The following EFR3A variants were observed in gnomAD, a reference collection of about 807,000 sequenced individuals.
The protein encoded by EFR3A is protein EFR3 homolog A.
Under a neutral mutation model 104.4 loss-of-function variants are expected in EFR3A, and 76 were observed. The observed-to-expected ratio is 0.73, with a 90% confidence interval of 0.60 to 0.88. The LOEUF (loss-of-function observed/expected upper bound fraction) is 0.88, where lower values mean the gene tolerates loss of function less well. Ranked by LOEUF, EFR3A falls within the 40% of genes least tolerant of loss-of-function variation. The pLI, the probability that EFR3A is intolerant of heterozygous loss-of-function variation, is 0.00. For synonymous variants in EFR3A, 330 were observed against 330.0 expected (o/e 1.00, Z 0.00); for missense variants, 985 against 1,012.5 (o/e 0.97, Z 0.37).
At chr8:131,928,367 A>G (rs1015086069) in intron 1 of EFR3A, among the ~76,000 whole-genome samples, 2 of 152,128 alleles carry the variant, frequency 1.3e-5, no homozygotes, top group Non-Finnish European at 2.9e-5. Context: ...TTTTTTCTTC[A>G]GACATTTATC....
chr8:131,963,917 A>G (rs1005222883), intron 8 of EFR3A, among the ~76,000 whole-genome samples: 2 of 152,230 alleles, frequency 1.3e-5, no homozygotes, highest in African/African-American at 4.8e-5. Context: ...CTGGTTCAAC[A>G]TACGCAAATC....
intron 8 of EFR3A, among the ~76,000 whole-genome samples, chr8:131,963,017 C>T (rs1193082375): frequency 6.7e-6 from 1 of 150,080 alleles, no homozygotes; most frequent in Non-Finnish European, 1.5e-5. Context: ...TTCTTTGAAA[C>T]CAATGAGAAC....
chr8:131,940,448 G>GT, intron 1 of EFR3A, 51 bp from the exon 2 acceptor site: 2 of 1,505,784 alleles, frequency 1.3e-6, no homozygotes, highest in Non-Finnish European at 1.8e-6. Flanking sequence ...TTCCAGGCCT[G>GT]TTTACAATAT....
intron 1 of EFR3A, among the ~76,000 whole-genome samples, chr8:131,935,238 C>T (rs776433246): frequency 4.6e-5 from 7 of 152,144 alleles, no homozygotes; most frequent in Non-Finnish European, 7.4e-5. Flanking sequence ...ATTTTTATAG[C>T]GTATAGGAGC....
At position 131,968,426 on chromosome 8, in the gene EFR3A, C is replaced by T; in HGVS notation, c.987C>T (p.Ser329=). ...CTGTTGCCATTGCTGCTAAAGGTTC[C>T]ATAGGTGAGTGCCAATAAATAAAAT... The part of the protein sequence containing the change: ...LEAVAIAAKG[S]IGPTVLEVFN... The change falls in exon 9 of 23, where the codon TCC becomes TCT. Residue 329 remains serine (S), a synonymous_variant. Coordinates refer to ENST00000254624, the MANE Select transcript of EFR3A (RefSeq NM_015137.6). The T allele has an allele frequency of 6.2e-7, 1 of 1,613,376 alleles. No individual in the cohort carries two copies. The highest frequency in any genetic ancestry group is 1.7e-4 in the Middle Eastern group (1 of 6,060).
At position 131,970,527 on chromosome 8, in the gene EFR3A, G is replaced by A. The variant is rs1369531511; in HGVS notation, c.1043G>A (p.Ser348Asn). 10 of 1,613,916 alleles carry A rather than the reference G, an allele frequency of 6.2e-6. No individual in the cohort carries two copies. In the South Asian group the frequency reaches 1.1e-4, roughly 18 times the overall value. The change falls in exon 10 of 23, where the codon AGC (serine) becomes AAC (asparagine). Residue 348 changes from serine (S) to asparagine (N), a missense_variant. By Grantham distance (46) the Ser-to-Asn change is conservative (BLOSUM62 1). Transcript: ENST00000254624. ...ACCCTTTTGAAACATCTGCGTCTCA[G>A]CGTTGAATTCGAAGCAAATGATTTA... ...FNTLLKHLRL[S>N]VEFEANDLQG...
chr8:131,976,013 T>G lies in EFR3A; in HGVS notation c.1160-14T>G, dbSNP rs764373505. ...CTTTTTCAGTTTCTAAAATTTGTCT[T>G]AATACTTTCATAGGATTTTTTGGAA... On this transcript the variant is annotated splice_polypyrimidine_tract_variant and intron_variant, in intron 10 of 22. Coordinates refer to ENST00000254624, the MANE Select transcript of EFR3A (RefSeq NM_015137.6). 54 of 1,509,138 alleles carry G rather than the reference T, an allele frequency of 3.6e-5. 2 individuals carry two copies. The highest frequency in any genetic ancestry group is 1.8e-4 in the Middle Eastern group (1 of 5,464). 93.5% of individuals were successfully genotyped at this position (1,509,138 alleles called of 1,614,324 possible).
chr8:131,943,371 A>G (rs1563648485), intron 2 of EFR3A, among the ~76,000 whole-genome samples: 1 of 152,026 alleles, frequency 6.6e-6, no homozygotes, highest in East Asian at 1.9e-4. Flanking sequence ...TAAAATTAGT[A>G]AGGGATTAAA....
intron 8 of EFR3A, among the ~76,000 whole-genome samples, chr8:131,964,432 A>G (rs558131766): frequency 1.3e-5 from 2 of 151,996 alleles, no homozygotes; most frequent in South Asian, 2.1e-4. Flanking sequence ...CCAATAACAG[A>G]CAAACAGAGA....
At position 131,959,337 on chromosome 8, in the gene EFR3A, A is replaced by G. The variant is rs564587088; in HGVS notation, c.777-248A>G. 2.0e-5 allele frequency among the ~76,000 whole-genome samples: 3 copies of G among 152,312 alleles called. No individual in the cohort carries two copies. In the East Asian group the frequency reaches 5.8e-4, roughly 29 times the overall value. On this transcript the variant is annotated intron_variant, in intron 7 of 22. Coordinates refer to ENST00000254624, the MANE Select transcript of EFR3A (RefSeq NM_015137.6). ...GTAAATTAATAAATCACAACATTAA[A>G]AAAATGGAATCAATAAATATTTGTT...
chr8:131,974,736 G>T (rs1016654153), intron 10 of EFR3A, among the ~76,000 whole-genome samples: 1 of 152,168 alleles, frequency 6.6e-6, no homozygotes, highest in Non-Finnish European at 1.5e-5. Context: ...TTATGGAGAT[G>T]GAGTCATGTT....
At chr8:131,955,972 T>C (rs1182591713) in intron 7 of EFR3A, 67 bp downstream of exon 7, 24 of 1,565,396 alleles carry the variant, frequency 1.5e-5, no homozygotes, top group Non-Finnish European at 1.8e-5. Context: ...AACTTATTTA[T>C]AGAGGACAAC....
intron 1 of EFR3A, among the ~76,000 whole-genome samples, chr8:131,913,707 T>C (rs934255602): frequency 3.3e-5 from 5 of 152,194 alleles, no homozygotes; most frequent in Admixed American, 3.3e-4. Context: ...TGTTGTTTAA[T>C]TGGTGTTTTT....
chr8:131,982,526 T>G (rs1191487487), intron 14 of EFR3A, among the ~76,000 whole-genome samples: 1 of 152,174 alleles, frequency 6.6e-6, no homozygotes, highest in Admixed American at 6.6e-5. Flanking sequence ...TAATAGGTTA[T>G]GTATTCTTCA....
At chr8:131,970,348 T>G in intron 9 of EFR3A, 128 bp from the exon 10 acceptor site, 1 of 880,428 alleles carries the variant, frequency 1.1e-6, no homozygotes, top group South Asian at 1.7e-5. Flanking sequence ...ATGAAATAGT[T>G]TATAAATTAC....
At chr8:131,940,940 G>C (rs933913274) in intron 2 of EFR3A, among the ~76,000 whole-genome samples, 4 of 151,942 alleles carry the variant, frequency 2.6e-5, no homozygotes, top group African/African-American at 9.7e-5. Context: ...AAGGTTTTCT[G>C]CTCTCATTAT....
At chr8:131,988,146 G>T (rs960023976) in intron 18 of EFR3A, among the ~76,000 whole-genome samples, 3 of 150,640 alleles carry the variant, frequency 2.0e-5, no homozygotes, top group South Asian at 2.1e-4. Flanking sequence ...TTTGAGTTAG[G>T]AATTTTTTTT....
chr8:131,904,915 A>G (rs1036019827), intron 1 of EFR3A, among the ~76,000 whole-genome samples: 3 of 152,134 alleles, frequency 2.0e-5, no homozygotes, highest in Non-Finnish European at 4.4e-5. Context: ...CGGTTTCGGG[A>G]CCCGCCCTAT....
chr8:131,909,697 G>A (rs1426830704), intron 1 of EFR3A, among the ~76,000 whole-genome samples: 5 of 152,052 alleles, frequency 3.3e-5, no homozygotes, highest in African/African-American at 7.2e-5. Context: ...TTGATGTCTG[G>A]GACAGGTTTA....
Sources: allele counts gnomAD v4.1 joint callset (sites outside exome capture counted in the v4.1 genomes callset), GRCh38; gene constraint gnomAD v4.1.1; transcripts MANE v1.5; gene names NCBI Gene and HGNC (gene_info 2026-07-23, HGNC 2026-07-21).